The following CNTN5 variants were observed in gnomAD, a reference collection of about 807,000 sequenced individuals.
The protein encoded by CNTN5 is contactin 5, also known as contactin-5.
Under a neutral mutation model 129.1 loss-of-function variants are expected in CNTN5, and 77 were observed. That is an observed-to-expected ratio of 0.60 (90% CI 0.50 to 0.72). CNTN5 has a LOEUF of 0.72. Among genes scored for constraint, CNTN5 ranks in the 30% least tolerant of loss-of-function variants. The pLI is 0.00. For synonymous variants in CNTN5, 509 were observed against 465.6 expected (o/e 1.09, Z -1.20); for missense variants, 1,478 against 1,328.8 (o/e 1.11, Z -1.75).
chr11:100,018,371 G>A (rs1048510836), intron 9 of CNTN5, among the ~76,000 whole-genome samples: 3 of 151,800 alleles, frequency 2.0e-5, no homozygotes, highest in South Asian at 2.1e-4. Flanking sequence ...TATAGACTAC[G>A]TTACCTTTTC....
At chr11:99,973,244 G>A (rs931346779) in intron 8 of CNTN5, among the ~76,000 whole-genome samples, 3 of 152,104 alleles carry the variant, frequency 2.0e-5, no homozygotes, top group Admixed American at 2.0e-4. Context: ...ATCTCAATTA[G>A]TAACTGTGGC....
Position 100,207,487 on chromosome 11 carries a change from T to C in CNTN5, c.1884+13824T>C, listed in dbSNP as rs994455940. Among the ~76,000 whole-genome samples the C allele has an allele frequency of 1.7e-4, 26 of 152,286 alleles. No homozygotes were observed. In the East Asian group the frequency reaches 4.8e-3, roughly 28 times the overall value. On this transcript the variant is annotated intron_variant, in intron 15 of 24. Transcript: ENST00000524871. ...TTAGATTGCTTTACCAGTGAAGATA[T>C]AACATTACTAACTTGTTCAAAGACA...
chr11:100,310,872 G>A (rs1951457168), intron 21 of CNTN5, among the ~76,000 whole-genome samples: 1 of 151,940 alleles, frequency 6.6e-6, no homozygotes, highest in Non-Finnish European at 1.5e-5. Flanking sequence ...AATGATTTTG[G>A]TGAGAGTAGG....
At chr11:99,839,791 T>C (rs1281656381) in intron 4 of CNTN5, among the ~76,000 whole-genome samples, 3 of 151,996 alleles carry the variant, frequency 2.0e-5, no homozygotes, top group African/African-American at 4.8e-5. Context: ...CCTAATTAGA[T>C]AGTAATACAG....
At chr11:100,175,066 C>T (rs978647880) in intron 13 of CNTN5, among the ~76,000 whole-genome samples, 6 of 152,028 alleles carry the variant, frequency 3.9e-5, no homozygotes, top group Admixed American at 2.6e-4. Flanking sequence ...CTGTAGGAAA[C>T]ACGTGTCTTA....
At chr11:99,253,107 C>A (rs1415031427) in intron 1 of CNTN5, among the ~76,000 whole-genome samples, 1 of 152,052 alleles carries the variant, frequency 6.6e-6, no homozygotes, top group Non-Finnish European at 1.5e-5. Flanking sequence ...GCAAGGCTAG[C>A]TGTAGATAAT....
chr11:99,443,754 A>C (rs576246340), intron 2 of CNTN5, among the ~76,000 whole-genome samples: 11 of 152,238 alleles, frequency 7.2e-5, no homozygotes, highest in African/African-American at 2.4e-4. Flanking sequence ...TGGTGACCTA[A>C]ATATTGTACT....
At chr11:99,342,015 G>T (rs532969041) in intron 2 of CNTN5, among the ~76,000 whole-genome samples, 1 of 152,104 alleles carries the variant, frequency 6.6e-6, no homozygotes, top group Non-Finnish European at 1.5e-5. Context: ...TGATTCAAGA[G>T]CATCTTGGCC....
intron 6 of CNTN5, among the ~76,000 whole-genome samples, chr11:99,847,133 C>T (rs1301679482): frequency 6.6e-6 from 1 of 152,192 alleles, no homozygotes. Flanking sequence ...GTATTTGATA[C>T]AAGGTATACC....
intron 13 of CNTN5, among the ~76,000 whole-genome samples, chr11:100,139,835 G>A (rs867091011): frequency 6.6e-6 from 1 of 152,106 alleles, no homozygotes; most frequent in Non-Finnish European, 1.5e-5. Flanking sequence ...GGTGACAAGA[G>A]TGAGACTCTG....
intron 1 of CNTN5, among the ~76,000 whole-genome samples, chr11:99,228,141 T>G (rs547776939): frequency 1.3e-5 from 2 of 152,162 alleles, no homozygotes; most frequent in Non-Finnish European, 2.9e-5. Flanking sequence ...CTGATTGTTT[T>G]ACTGGTTCCC....
intron 16 of CNTN5, among the ~76,000 whole-genome samples, chr11:100,243,090 T>C (rs1280254864): frequency 6.6e-6 from 1 of 152,206 alleles, no homozygotes; most frequent in African/African-American, 2.4e-5. Context: ...TCACGCTGCA[T>C]CCTACTTTCC....
At chr11:99,832,348 G>A (rs1198887882) in intron 4 of CNTN5, among the ~76,000 whole-genome samples, 1 of 152,150 alleles carries the variant, frequency 6.6e-6, no homozygotes, top group Admixed American at 6.6e-5. Flanking sequence ...TGGAGTTGGT[G>A]CACTTTGATT....
chr11:99,551,766 A>G (rs1170296832), intron 2 of CNTN5, among the ~76,000 whole-genome samples: 2 of 152,172 alleles, frequency 1.3e-5, no homozygotes, highest in Admixed American at 1.3e-4. Flanking sequence ...CACAATAAGT[A>G]TTTGTGTATC....
intron 1 of CNTN5, among the ~76,000 whole-genome samples, chr11:99,123,016 G>A (rs1028672068): frequency 1.3e-5 from 2 of 152,152 alleles, no homozygotes; most frequent in Admixed American, 1.3e-4. Flanking sequence ...ACATGTGCAT[G>A]TGTCTTCATG....
intron 3 of CNTN5, among the ~76,000 whole-genome samples, chr11:99,817,800 A>G (rs1946642576): frequency 6.6e-6 from 1 of 152,066 alleles, no homozygotes; most frequent in South Asian, 2.1e-4. Context: ...AGGAGACTTT[A>G]TGTCTACCCA....
intron 6 of CNTN5, among the ~76,000 whole-genome samples, chr11:99,884,796 G>A (rs1355379812): frequency 3.3e-5 from 5 of 152,140 alleles, no homozygotes; most frequent in Non-Finnish European, 7.3e-5. Flanking sequence ...GACCAAAATG[G>A]TGAAACCCCA....
chr11:99,458,591 T>C (rs577700366), intron 2 of CNTN5, among the ~76,000 whole-genome samples: 2 of 152,112 alleles, frequency 1.3e-5, no homozygotes, highest in East Asian at 3.9e-4. Context: ...AACTGTCCAC[T>C]GATGCTCTGA....
intron 8 of CNTN5, among the ~76,000 whole-genome samples, chr11:99,977,649 G>C (rs570681310): frequency 2.6e-5 from 4 of 152,120 alleles, no homozygotes; most frequent in African/African-American, 7.2e-5. Context: ...ATCAAATCTT[G>C]TTAGAACTCT....
Sources: gnomAD v4.1 joint callset for allele counts (sites outside exome capture counted in the v4.1 genomes callset) on GRCh38, gnomAD v4.1.1 for gene constraint, MANE v1.5 for transcripts, NCBI Gene and HGNC (gene_info 2026-07-23, HGNC 2026-07-21) for gene names.